GRIA4: variants seen among roughly 807,000 people sequenced by gnomAD.
GRIA4 encodes the protein glutamate ionotropic receptor AMPA type subunit 4, also known as glutamate receptor 4.
GRIA4 carries 34 observed loss-of-function variants against 104.0 expected under a neutral mutation model. The observed-to-expected ratio is 0.33, with a 90% CI of 0.25 to 0.44. The LOEUF is 0.44. GRIA4 is among the 20% of genes least tolerant of loss of function. GRIA4 has a pLI of 1.00. For synonymous variants in GRIA4, 386 were observed against 381.9 expected (o/e 1.01, Z -0.13); for missense variants, 750 against 1,096.5 (o/e 0.68, Z 4.46).
chr11:105,791,309 C>CATTTAT, intron 4 of GRIA4, among the ~76,000 whole-genome samples: 1 of 152,084 alleles, frequency 6.6e-6, no homozygotes, highest in South Asian at 2.1e-4. Context: ...TTGTGATATG[C>CATTTAT]ATTTATATTC....
intron 9 of GRIA4, among the ~76,000 whole-genome samples, chr11:105,908,604 G>GGCAATT (rs1947125203): frequency 7.0e-6 from 1 of 142,416 alleles, no homozygotes; most frequent in Non-Finnish European, 1.5e-5. Context: ...ATTGCATATA[G>GGCAATT]GTATAAGGCC....
Position 105,762,212 on chromosome 11 carries a change from T to C in GRIA4, c.487+8992T>C, listed in dbSNP as rs151323131. Among the ~76,000 whole-genome samples, 473 of 152,034 alleles carry C rather than the reference T, an allele frequency of 3.1e-3. 8 individuals are homozygous for C. Among genetic ancestry groups the C allele is most frequent in the African/African-American group, 0.011 (443 of 41,492 alleles). ...CTAATTTTTGTATTTTTAGTAGAGA[T>C]GGGGTTTCACCATGTTGGCCAGGCT... On this transcript the variant is annotated intron_variant, in intron 4 of 16. Transcript: ENST00000282499.
At chr11:105,738,789 A>T (rs1272639018) in intron 3 of GRIA4, among the ~76,000 whole-genome samples, 1 of 152,126 alleles carries the variant, frequency 6.6e-6, no homozygotes, top group Non-Finnish European at 1.5e-5. Context: ...AATATAGATG[A>T]TGAATCAAAC....
At chr11:105,720,075 G>A (rs1212149134) in intron 3 of GRIA4, among the ~76,000 whole-genome samples, 1 of 150,812 alleles carries the variant, frequency 6.6e-6, no homozygotes, top group Non-Finnish European at 1.5e-5. Flanking sequence ...GCATTCAAGG[G>A]GTAAAAATGT....
rs140891297 is a variant in GRIA4, at chr11:105,699,984, C to T, written c.248-52997C>T. 4.2e-4 allele frequency among the ~76,000 whole-genome samples: 64 copies of T among 152,268 alleles called. 1 individual carries two copies. The highest frequency in any genetic ancestry group is 1.3e-3 in the African/African-American group (56 of 41,548). ...TTATTCACTGTTGTATTCTCAGCAC[C>T]TGGAACAGTGCCTAGATCCTAGTGG... is the stretch of plus-strand genomic sequence containing the variant. On this transcript the variant is annotated intron_variant, in intron 3 of 16. Coordinates refer to ENST00000282499, the MANE Select transcript of GRIA4 (RefSeq NM_000829.4).
intron 3 of GRIA4, chr11:105,707,452 G>A (rs1428198745): frequency 6.6e-6 from 1 of 152,186 alleles, no homozygotes; most frequent in Non-Finnish European, 1.5e-5. Context: ...AAGTTCATGG[G>A]ACAGGTAATG....
At chr11:105,956,354 T>G (rs368683793) in intron 14 of GRIA4, among the ~76,000 whole-genome samples, 12 of 152,052 alleles carry the variant, frequency 7.9e-5, no homozygotes, top group African/African-American at 2.9e-4. Flanking sequence ...TGAGAACATG[T>G]GGTGTTTGGT....
chr11:105,960,990 G>C (rs1373450749), intron 14 of GRIA4, among the ~76,000 whole-genome samples: 1 of 152,118 alleles, frequency 6.6e-6, no homozygotes, highest in Non-Finnish European at 1.5e-5. Flanking sequence ...TGCCTGTGAA[G>C]GATTCACAGG....
At chr11:105,735,352 T>C (rs1392917142) in intron 3 of GRIA4, among the ~76,000 whole-genome samples, 1 of 152,184 alleles carries the variant, frequency 6.6e-6, no homozygotes, top group East Asian at 1.9e-4. Flanking sequence ...AATAATTTAT[T>C]AAATATGTAA....
intron 1 of GRIA4, 115 bp from the exon 2 acceptor site, chr11:105,610,793 G>T: frequency 1.9e-6 from 1 of 523,812 alleles, no homozygotes; most frequent in Non-Finnish European, 3.4e-6. Flanking sequence ...GGCTCGCGAT[G>T]GATTGCTAAG....
At chr11:105,766,875 T>C (rs758984896) in intron 4 of GRIA4, among the ~76,000 whole-genome samples, 32 of 152,162 alleles carry the variant, frequency 2.1e-4, no homozygotes, top group Non-Finnish European at 4.1e-4. Context: ...CCTCCAAGAC[T>C]GCTTAATGTT....
intron 3 of GRIA4, among the ~76,000 whole-genome samples, chr11:105,668,188 C>T (rs930595): frequency 0.99 from 144,263 of 146,426 alleles, 71,090 homozygotes; most frequent in Middle Eastern, 1. Context: ...AATAATACTC[C>T]ATTGCATATA....
intron 8 of GRIA4, among the ~76,000 whole-genome samples, 183 bp from the exon 9 acceptor site, chr11:105,905,014 A>G (rs1211857747): frequency 1.3e-5 from 2 of 152,248 alleles, no homozygotes; most frequent in Non-Finnish European, 2.9e-5. Flanking sequence ...AATTGCTTAT[A>G]CATCCCTTTG....
At chr11:105,964,800 T>G (rs1350447787) in intron 14 of GRIA4, among the ~76,000 whole-genome samples, 7 of 149,114 alleles carry the variant, frequency 4.7e-5, no homozygotes, top group Non-Finnish European at 8.9e-5. Context: ...TTTTGTTTTT[T>G]TTTTGTTTGT....
intron 4 of GRIA4, among the ~76,000 whole-genome samples, chr11:105,851,068 T>C (rs920236438): frequency 9.2e-5 from 14 of 152,186 alleles, no homozygotes; most frequent in African/African-American, 3.4e-4. Context: ...AAAATGAAGA[T>C]AATAAAACTA....
intron 5 of GRIA4, 132 bp downstream of exon 5, chr11:105,862,340 G>A: frequency 4.9e-6 from 3 of 615,610 alleles, no homozygotes; most frequent in South Asian, 2.0e-5. Context: ...TTCATTCCAT[G>A]ACTATCTTCA....
At chr11:105,710,214 C>T (rs1022178409) in intron 3 of GRIA4, among the ~76,000 whole-genome samples, 3 of 152,010 alleles carry the variant, frequency 2.0e-5, no homozygotes, top group East Asian at 1.9e-4. Context: ...TACATGTCCT[C>T]GTGAGACCTG....
chr11:105,660,291 A>G (rs1279149997), intron 3 of GRIA4, among the ~76,000 whole-genome samples: 1 of 151,742 alleles, frequency 6.6e-6, no homozygotes, highest in African/African-American at 2.4e-5. Context: ...AGGTGCTAAA[A>G]AGGAAAAACT....
At chr11:105,869,748 T>G (rs545457003) in intron 5 of GRIA4, among the ~76,000 whole-genome samples, 5 of 152,196 alleles carry the variant, frequency 3.3e-5, no homozygotes, top group African/African-American at 7.2e-5. Flanking sequence ...GCAAATGAAG[T>G]GCTACATTGT....
Sources: gnomAD v4.1 joint callset for allele counts (sites outside exome capture counted in the v4.1 genomes callset) on GRCh38, gnomAD v4.1.1 for gene constraint, MANE v1.5 for transcripts, NCBI Gene and HGNC (gene_info 2026-07-23, HGNC 2026-07-21) for gene names.